Variants in LTBP1 observed in about 807,000 individuals in gnomAD.
LTBP1 encodes the protein latent-transforming growth factor beta-binding protein 1.
In LTBP1, 129 loss-of-function variants were observed where a neutral mutation model predicts 207.6. The observed-to-expected ratio is 0.62, with a 90% CI of 0.54 to 0.72. The LOEUF is 0.72. Ranked by LOEUF, LTBP1 falls within the 30% of genes least tolerant of loss-of-function variation. LTBP1 has a pLI of 0.00. For synonymous variants in LTBP1, 963 were observed against 833.7 expected (o/e 1.16, Z -2.67); for missense variants, 2,281 against 2,217.2 (o/e 1.03, Z -0.58).
intron 7 of LTBP1, among the ~76,000 whole-genome samples, chr2:33,212,862 A>G (rs766808041): frequency 2.6e-5 from 4 of 152,318 alleles, no homozygotes; most frequent in African/African-American, 7.2e-5. Flanking sequence ...GGGATGCTCA[A>G]CTGGTATTTT....
chr2:33,148,811 G>A (rs2083264990), intron 5 of LTBP1, among the ~76,000 whole-genome samples: 1 of 152,210 alleles, frequency 6.6e-6, no homozygotes, highest in African/African-American at 2.4e-5. Flanking sequence ...CCACCTAAGA[G>A]ACACATTTGG....
chr2:33,366,907 T>A (rs1424958706), intron 31 of LTBP1, among the ~76,000 whole-genome samples: 2 of 152,192 alleles, frequency 1.3e-5, no homozygotes, highest in African/African-American at 4.8e-5. Context: ...ATTTATGCAG[T>A]GGTTTTATAT....
chr2:33,226,745 T>A (rs1410377613), intron 9 of LTBP1, among the ~76,000 whole-genome samples: 1 of 152,056 alleles, frequency 6.6e-6, no homozygotes, highest in Non-Finnish European at 1.5e-5. Context: ...CTGGTAGGAG[T>A]GTCTTTATGC....
Position 33,364,334 on chromosome 2 carries a change from T to G in LTBP1, c.4518T>G (p.Cys1506Trp). The G allele has an allele frequency of 6.2e-7, 1 of 1,613,818 alleles. No homozygotes were observed. Reference protein sequence around the residue: ...PMVLDASEKRCIRPAESNEQI... With the variant: ...PMVLDASEKRWIRPAESNEQI... ...TCCTGGATGCGTCAGAAAAAAGATG[T>G]ATACGACCGGCTGAGTCAAACGGTA... The change falls in exon 30 of 34, where the codon TGT becomes TGG. Residue 1506 changes from cysteine (C) to tryptophan (W), a missense_variant. By Grantham distance (215) the Cys-to-Trp change is radical. This residue lies in a region of LTBP1 where 1,671 missense variants were observed against 1,634.8 expected (regional missense o/e 1.02). Coordinates refer to ENST00000404816, the MANE Select transcript of LTBP1 (RefSeq NM_206943.4).
chr2:32,961,806 CGTG>C (rs879300791), intron 2 of LTBP1, among the ~76,000 whole-genome samples: 5 of 151,872 alleles, frequency 3.3e-5, no homozygotes, highest in Admixed American at 3.3e-4. Flanking sequence ...ATTAGCCGGG[CGTG>C]GTGGTGGGCG....
chr2:33,018,776 G>A lies in LTBP1; in HGVS notation c.566-2133G>A, dbSNP rs115404720. ...TGTGGAGACCATTTTAGAACAAATC[G>A]CTGCTGCCCTCCTCATAACCCCCAA... On this transcript the variant is annotated intron_variant, in intron 2 of 33. Transcript: ENST00000404816. Among the ~76,000 whole-genome samples, 1,046 of 152,216 alleles carry A rather than the reference G, an allele frequency of 6.9e-3. 9 individuals carry two copies. Among genetic ancestry groups the A allele is most frequent in the African/African-American group, 0.024 (987 of 41,524 alleles).
chr2:33,055,836 C>T (rs995623351), intron 3 of LTBP1, among the ~76,000 whole-genome samples: 3 of 152,174 alleles, frequency 2.0e-5, no homozygotes, highest in Non-Finnish European at 4.4e-5. Flanking sequence ...GGGGACATAA[C>T]CCATAGCCCG....
intron 32 of LTBP1, among the ~76,000 whole-genome samples, 168 bp from the exon 33 acceptor site, chr2:33,396,965 A>G (rs770684749): frequency 3.9e-5 from 6 of 152,208 alleles, no homozygotes; most frequent in South Asian, 2.1e-4. Flanking sequence ...TTTTTATGCT[A>G]TTTTACACAG....
chr2:33,276,862 G>GCAAAA (rs765965341), intron 18 of LTBP1, among the ~76,000 whole-genome samples: 27 of 152,268 alleles, frequency 1.8e-4, no homozygotes, highest in South Asian at 4.1e-4. Flanking sequence ...AAAAAACAAA[G>GCAAAA]CAAAACAAAA....
chr2:33,240,101 G>A (rs76812555), intron 9 of LTBP1, among the ~76,000 whole-genome samples: 22,965 of 151,406 alleles, frequency 0.15, 2,225 homozygotes, highest in Non-Finnish European at 0.21. Flanking sequence ...CCATTCACCC[G>A]TCACGTTCCA....
Position 33,173,805 on chromosome 2 carries a change from C to G in LTBP1, c.1202-13051C>G, listed in dbSNP as rs1244051082. 2.8e-5 allele frequency among the ~76,000 whole-genome samples: 4 copies of G among 144,040 alleles called. 1 individual carries two copies. The highest frequency in any genetic ancestry group is 1.0e-4 in the African/African-American group (4 of 39,564). The allele number at this position is 144,040 out of a possible 152,430, so 94.5% of individuals were successfully genotyped here. ...AGCAGCACATCCAAAAGCTTATCCA[C>G]CATGATCAAGGGGGCTTCATCCCTG... On this transcript the variant is annotated intron_variant, in intron 5 of 33. Transcript: ENST00000404816.
chr2:32,976,402 G>C (rs1681786611), intron 2 of LTBP1, among the ~76,000 whole-genome samples: 1 of 152,168 alleles, frequency 6.6e-6, no homozygotes, highest in South Asian at 2.1e-4. Flanking sequence ...GGTTGGGGTG[G>C]GGTGCCAGTA....
At chr2:33,109,202 T>C (rs2080244446) in intron 3 of LTBP1, among the ~76,000 whole-genome samples, 1 of 152,266 alleles carries the variant, frequency 6.6e-6, no homozygotes, top group South Asian at 2.1e-4. Flanking sequence ...AGTGAGACTA[T>C]TCAAGTTTCT....
chr2:33,071,675 C>T (rs2077796273), intron 3 of LTBP1, among the ~76,000 whole-genome samples: 1 of 152,134 alleles, frequency 6.6e-6, no homozygotes, highest in African/African-American at 2.4e-5. Flanking sequence ...CTTGAAATAA[C>T]AAAGATTTAT....
At position 33,134,258 on chromosome 2, in the gene LTBP1, G is replaced by A. The variant is rs2081989188; in HGVS notation, c.1034-535G>A. 1 of 365,606 alleles carries A rather than the reference G, an allele frequency of 2.7e-6. No homozygotes were observed. Among genetic ancestry groups the A allele is most frequent in the African/African-American group, 2.1e-5 (1 of 47,040 alleles). 22.6% of individuals were successfully genotyped at this position (365,606 alleles called of 1,614,324 possible). ...TTGATCACTTCAGCCGAGAGTGCCA[G>A]GAGATTTGAGACAGATGTTTTCAGA... On this transcript the variant is annotated intron_variant, in intron 4 of 33. Transcript: ENST00000404816. This position sits in a 1 kb window ranked among gnomAD's most constrained non-coding sequence, Gnocchi z 4.4.
chr2:33,012,343 C>T (rs182091526), intron 2 of LTBP1, among the ~76,000 whole-genome samples: 100 of 152,356 alleles, frequency 6.6e-4, no homozygotes, highest in African/African-American at 1.8e-3. Flanking sequence ...CGTGTCTGCT[C>T]ATCAGTAGAT....
chr2:32,972,128 T>TC lies in LTBP1; in HGVS notation c.565+23184dup, dbSNP rs1553350709. Among the ~76,000 whole-genome samples the TC allele has an allele frequency of 3.8e-3, 563 of 149,498 alleles. 1 individual carries two copies. Among genetic ancestry groups the TC allele is most frequent in the Non-Finnish European group, 6.3e-3 (425 of 67,392 alleles). On this transcript the variant is annotated intron_variant, in intron 2 of 33. Coordinates refer to ENST00000404816, the MANE Select transcript of LTBP1 (RefSeq NM_206943.4). ...TCTCTGAGTTTTTTGTTTTTTTTTT[T>TC]CTGTGGATTCAGTGGTAATATCTTC...
chr2:33,243,743 A>C lies in LTBP1; in HGVS notation c.1958A>C (p.Lys653Thr), dbSNP rs1275403547. The C allele has an allele frequency of 5.0e-6, 8 of 1,614,022 alleles. No homozygotes were observed. The highest frequency in any genetic ancestry group is 1.3e-5 in the African/African-American group (1 of 74,942). The stretch of plus-strand genomic sequence containing the variant: ...ATGGGCAGCTATCGATGTACCTGCA[A>C]AATAGGATTTGGGCCGGATCCTACC... ...NTMGSYRCTC[K>T]IGFGPDPTFS... is the part of the protein sequence containing the mutation. The change falls in exon 10 of 34, where the codon AAA becomes ACA. Residue 653 changes from lysine to threonine, a missense_variant. Physicochemically the swap from Lys to Thr is moderately conservative, Grantham distance 78. Coordinates refer to ENST00000404816, the MANE Select transcript of LTBP1 (RefSeq NM_206943.4).
chr2:32,976,864 C>G (rs1054728352), intron 2 of LTBP1, among the ~76,000 whole-genome samples: 1 of 152,218 alleles, frequency 6.6e-6, no homozygotes, highest in Non-Finnish European at 1.5e-5. Flanking sequence ...CAAGCAAGCT[C>G]TCCTTGGCTA....
Sources: gnomAD v4.1 joint callset for allele counts (sites outside exome capture counted in the v4.1 genomes callset) on GRCh38, gnomAD v4.1.1 for gene constraint, gnomAD v4.1.1 regional missense constraint, Gnocchi (gnomAD v3.1) non-coding constraint, MANE v1.5 for transcripts, NCBI Gene and HGNC (gene_info 2026-07-23, HGNC 2026-07-21) for gene names.